KSR1: variants seen among roughly 807,000 people sequenced by gnomAD.
KSR1 encodes kinase suppressor of ras.
KSR1 carries 35 observed loss-of-function variants against 92.9 expected under a neutral mutation model. The ratio of observed to expected loss-of-function variants is 0.38; its 90% CI spans 0.29 to 0.50. The LOEUF is 0.50. Among genes scored for constraint, KSR1 ranks in the 20% least tolerant of loss-of-function variants. KSR1 has a pLI of 0.94. For missense variants in KSR1, 972 were observed against 1,158.5 expected (o/e 0.84, Z 2.34); for synonymous variants, 467 against 472.6 (o/e 0.99, Z 0.15).
At chr17:27,496,635 A>G (rs1032811095) in intron 1 of KSR1, among the ~76,000 whole-genome samples, 1 of 152,094 alleles carries the variant, frequency 6.6e-6, no homozygotes, top group Non-Finnish European at 1.5e-5. Flanking sequence ...ACTGTGGGAA[A>G]TTTGCATGTG....
At chr17:27,501,750 C>T (rs1052952355) in intron 1 of KSR1, among the ~76,000 whole-genome samples, 2 of 152,222 alleles carry the variant, frequency 1.3e-5, no homozygotes, top group Non-Finnish European at 2.9e-5. Context: ...CCGCCTGCCT[C>T]GGCCTCCCAA....
At chr17:27,526,845 G>T in intron 1 of KSR1, 1 of 717,096 alleles carries the variant, frequency 1.4e-6, no homozygotes, top group Non-Finnish European at 2.5e-6. Flanking sequence ...GGGAGGGGTG[G>T]AAGGAGTGCT....
At chr17:27,572,152 C>T (rs2072334688) in intron 2 of KSR1, among the ~76,000 whole-genome samples, 1 of 152,226 alleles carries the variant, frequency 6.6e-6, no homozygotes, top group South Asian at 2.1e-4. Context: ...ACTCAACTGG[C>T]CCTGCTCTCC....
intron 9 of KSR1, among the ~76,000 whole-genome samples, 190 bp from the exon 10 acceptor site, chr17:27,597,078 G>A (rs369057625): frequency 1.3e-5 from 2 of 152,208 alleles, no homozygotes; most frequent in African/African-American, 4.8e-5. Context: ...GGAGCCCCCC[G>A]GGGAGTGAGC....
At chr17:27,601,899 C>G (rs1321196745) in intron 11 of KSR1, 1 of 1,608,868 alleles carries the variant, frequency 6.2e-7, no homozygotes, top group African/African-American at 1.3e-5. Flanking sequence ...ACAGTGCCAT[C>G]TGCTGGCCAT....
rs575283907 is a variant in KSR1, at chr17:27,474,396, G to A, written c.231+17522G>A. The stretch of plus-strand genomic sequence containing the variant: ...CCATGGGTGGCTTCTATCTTTGGAT[G>A]TAAGGATGGGAGGATGAGCAGCACC... On this transcript the variant is annotated intron_variant, in intron 1 of 20. Transcript: ENST00000644974. Among the ~76,000 whole-genome samples the A allele has an allele frequency of 1.8e-3, 275 of 152,340 alleles. 3 individuals carry two copies. Among genetic ancestry groups the A allele is most frequent in the Non-Finnish European group, 2.6e-3 (178 of 68,032 alleles).
At chr17:27,512,665 G>A (rs1368339075) in intron 1 of KSR1, among the ~76,000 whole-genome samples, 1 of 152,236 alleles carries the variant, frequency 6.6e-6, no homozygotes, top group African/African-American at 2.4e-5. Flanking sequence ...GGAGGTTGCA[G>A]TGAGCTGAGA....
At chr17:27,464,940 T>TA (rs111417449) in intron 1 of KSR1, among the ~76,000 whole-genome samples, 49,589 of 133,964 alleles carry the variant, frequency 0.37, 7,746 homozygotes, top group South Asian at 0.48. Flanking sequence ...CTGATGAGCT[T>TA]AAAAAAAAAA....
intron 1 of KSR1, among the ~76,000 whole-genome samples, chr17:27,497,235 C>G (rs2069020152): frequency 2.6e-5 from 4 of 152,174 alleles, no homozygotes; most frequent in Admixed American, 2.6e-4. Flanking sequence ...GAGTGAAGGA[C>G]CTTAAACTCC....
chr17:27,572,472 A>G (rs2072348108), intron 2 of KSR1, among the ~76,000 whole-genome samples: 1 of 152,198 alleles, frequency 6.6e-6, no homozygotes, highest in South Asian at 2.1e-4. Flanking sequence ...TGGAGGCAGT[A>G]CGGACTCCCA....
intron 6 of KSR1, among the ~76,000 whole-genome samples, chr17:27,590,350 A>G (rs11080225): frequency 0.15 from 22,664 of 152,196 alleles, 1,853 homozygotes; most frequent in Admixed American, 0.23. Flanking sequence ...GCTGCATAGT[A>G]TTCCATCGTA....
intron 1 of KSR1, among the ~76,000 whole-genome samples, chr17:27,546,123 C>T (rs183021992): frequency 2.3e-4 from 35 of 152,228 alleles, no homozygotes; most frequent in African/African-American, 6.5e-4. Flanking sequence ...GTTTCAGAGC[C>T]GCGTGGAATG....
chr17:27,463,203 G>A (rs73270184), intron 1 of KSR1, among the ~76,000 whole-genome samples: 16,040 of 152,116 alleles, frequency 0.11, 948 homozygotes, highest in African/African-American at 0.14. Context: ...TCACACTGAC[G>A]GCCAAGAGTT....
chr17:27,552,053 T>C (rs1761761504), intron 2 of KSR1, among the ~76,000 whole-genome samples: 1 of 152,226 alleles, frequency 6.6e-6, no homozygotes, highest in African/African-American at 2.4e-5. Flanking sequence ...CCTGGAGTGC[T>C]CTGCCCATGA....
chr17:27,489,636 G>T (rs904458362), intron 1 of KSR1, among the ~76,000 whole-genome samples: 1 of 152,206 alleles, frequency 6.6e-6, no homozygotes, highest in Non-Finnish European at 1.5e-5. Context: ...TTTGGGGGCA[G>T]TAGAGTGAAA....
At position 27,597,335 on chromosome 17, in the gene KSR1, C is replaced by G. The variant is rs2073379416; in HGVS notation, c.1367C>G (p.Pro456Arg). Residue 456 changes from proline (P) to arginine (R), a missense_variant, in exon 10 of 21, where the codon CCC (proline) becomes CGC (arginine). Physicochemically the swap from Pro to Arg is moderately radical, Grantham distance 103 (BLOSUM62 -2). Coordinates refer to ENST00000644974, the MANE Select transcript of KSR1 (RefSeq NM_001394583.1). ...SNPSSTTSST[P>R]SSPAPFPTSS... ...CCTTCCTCCACCACCTCCTCCACAC[C>G]CTCCTCACCGGCGCCCTTCCCGACA... 6.2e-7 allele frequency: 1 copy of G among 1,612,686 alleles called. No individual in the cohort carries two copies. The highest frequency in any genetic ancestry group is 8.5e-7 in the Non-Finnish European group (1 of 1,179,414).
At chr17:27,515,611 G>GT (rs770675553) in intron 1 of KSR1, among the ~76,000 whole-genome samples, 4,108 of 108,942 alleles carry the variant, frequency 0.038, 126 homozygotes, top group African/African-American at 0.09. Flanking sequence ...CTGCTTCGTA[G>GT]TTTTTTTTTT....
chr17:27,498,557 T>C (rs1298937021), intron 1 of KSR1, among the ~76,000 whole-genome samples: 1 of 152,106 alleles, frequency 6.6e-6, no homozygotes. Flanking sequence ...TGGGGAAGCT[T>C]ATAGAAGATG....
intron 11 of KSR1, among the ~76,000 whole-genome samples, chr17:27,603,330 G>A (rs2073633810): frequency 6.6e-6 from 1 of 152,242 alleles, no homozygotes; most frequent in African/African-American, 2.4e-5. Context: ...CCCAGCAACT[G>A]TATCAGCCAC....
Sources: gnomAD v4.1 joint callset for allele counts (sites outside exome capture counted in the v4.1 genomes callset) on GRCh38, gnomAD v4.1.1 for gene constraint, MANE v1.5 for transcripts, NCBI Gene and HGNC (gene_info 2026-07-23, HGNC 2026-07-21) for gene names.